Variants in GULP1 observed in about 807,000 individuals in gnomAD.
The protein encoded by GULP1 is PTB domain-containing engulfment adapter protein 1.
A neutral mutation model predicts 40.9 loss-of-function variants in GULP1; 19 were observed. The ratio of observed to expected loss-of-function variants is 0.46; its 90% confidence interval spans 0.32 to 0.68. GULP1 has a LOEUF of 0.68. Among genes scored for constraint, GULP1 ranks in the 30% least tolerant of loss-of-function variants. The probability of loss-of-function intolerance (pLI) is 0.03; values close to 1 mark genes in which losing one functional copy is unlikely to be tolerated. For synonymous variants in GULP1, 119 were observed against 117.6 expected, an observed-to-expected ratio of 1.01 and a Z score of -0.08; for missense variants, 312 against 362.2, an observed-to-expected ratio of 0.86 and a Z score of 1.12.
chr2:188,317,413 G>A (rs2039265786), intron 1 of GULP1, among the ~76,000 whole-genome samples: 1 of 152,068 alleles, frequency 6.6e-6, no homozygotes, highest in East Asian at 1.9e-4. Context: ...GATGATCTGG[G>A]GAGTCTAAGA....
At chr2:188,349,697 T>C (rs2044183125) in intron 1 of GULP1, among the ~76,000 whole-genome samples, 1 of 152,178 alleles carries the variant, frequency 6.6e-6, no homozygotes, top group South Asian at 2.1e-4. Flanking sequence ...AAACAAAACT[T>C]TTATATTTTG....
At chr2:188,301,019 A>C (rs1256154311) in intron 1 of GULP1, among the ~76,000 whole-genome samples, 2 of 151,788 alleles carry the variant, frequency 1.3e-5, no homozygotes, top group African/African-American at 4.8e-5. Flanking sequence ...CTGTTTATTT[A>C]TTTATTTATT....
rs746481062 is a variant in GULP1, at chr2:188,549,983, A to T, written c.399+8665A>T. On this transcript the variant is annotated intron_variant, in intron 7 of 11. Transcript: ENST00000409830. ...GAGGATGTGCTTATAAAACAGCAAG[A>T]TGAAGGACTCTTGTCGTAATCAAAT... 1.4e-4 allele frequency among the ~76,000 whole-genome samples: 21 copies of T among 151,726 alleles called. 1 individual carries two copies. The highest frequency in any genetic ancestry group is 2.2e-4 in the Non-Finnish European group (15 of 67,688).
At chr2:188,591,713 A>T (rs1439058577) in intron 11 of GULP1, 4 of 151,684 alleles carry the variant, frequency 2.6e-5, no homozygotes, top group Non-Finnish European at 5.9e-5. Context: ...GCATAAATAT[A>T]TATTCATATT....
At chr2:188,355,494 C>T (rs1411804917) in intron 1 of GULP1, among the ~76,000 whole-genome samples, 1 of 151,796 alleles carries the variant, frequency 6.6e-6, no homozygotes, top group Non-Finnish European at 1.5e-5. Flanking sequence ...AAATAGAAAA[C>T]TTCAGCAGAC....
intron 1 of GULP1, among the ~76,000 whole-genome samples, chr2:188,317,326 A>G (rs569242159): frequency 6.6e-6 from 1 of 152,302 alleles, no homozygotes; most frequent in East Asian, 1.9e-4. Context: ...CCTGAATGAA[A>G]TAGGAAACAT....
At chr2:188,419,955 A>C (rs1324404588) in intron 2 of GULP1, among the ~76,000 whole-genome samples, 1 of 152,066 alleles carries the variant, frequency 6.6e-6, no homozygotes, top group African/African-American at 2.4e-5. Context: ...TGTTGAAGAG[A>C]GTATCCTTTC....
At chr2:188,427,502 T>C (rs1451612533) in intron 2 of GULP1, among the ~76,000 whole-genome samples, 4 of 152,348 alleles carry the variant, frequency 2.6e-5, no homozygotes, top group South Asian at 4.1e-4. Flanking sequence ...CTTGCTGCCC[T>C]GCACAGACTT....
Position 188,541,334 on chromosome 2 carries a change from G to T in GULP1, c.399+16G>T, listed in dbSNP as rs746146544. Reference sequence around the variant, plus strand: ...CGAAAAGTGTGTAAGTATCCCAGATGTTGTAGGGTGGTTTGTTCTGTTTTA... The same window carrying T: ...CGAAAAGTGTGTAAGTATCCCAGATTTTGTAGGGTGGTTTGTTCTGTTTTA... On this transcript the variant is annotated intron_variant, in intron 7 of 11. Coordinates refer to ENST00000409830, the MANE Select transcript of GULP1 (RefSeq NM_016315.4). 1.2e-6 allele frequency: 2 copies of T among 1,609,436 alleles called. No homozygotes were observed. Among genetic ancestry groups the T allele is most frequent in the African/African-American group, 1.3e-5 (1 of 74,962 alleles).
intron 1 of GULP1, among the ~76,000 whole-genome samples, chr2:188,300,840 G>GTAA (rs2036000041): frequency 2.0e-5 from 3 of 152,092 alleles, no homozygotes; most frequent in African/African-American, 7.2e-5. Flanking sequence ...TGGGTCTAAG[G>GTAA]TAATAGTTTT....
At chr2:188,466,976 G>GA (rs369975555) in intron 2 of GULP1, among the ~76,000 whole-genome samples, 14 of 147,990 alleles carry the variant, frequency 9.5e-5, no homozygotes, top group Admixed American at 2.0e-4. Context: ...CAGTTAAGAA[G>GA]AAAAAAAAAA....
At chr2:188,574,999 AGTCAC>A (rs1699880962) in intron 9 of GULP1, among the ~76,000 whole-genome samples, 1 of 152,198 alleles carries the variant, frequency 6.6e-6, no homozygotes, top group Non-Finnish European at 1.5e-5. Flanking sequence ...AAAGTTTGTC[AGTCAC>A]TTATATGTTA....
chr2:188,517,816 C>G (rs1434786743), intron 4 of GULP1, among the ~76,000 whole-genome samples: 1 of 152,056 alleles, frequency 6.6e-6, no homozygotes, highest in Admixed American at 6.6e-5. Context: ...TCTAGGGGAA[C>G]TTTCAATCCT....
At chr2:188,344,786 T>C (rs1025582827) in intron 1 of GULP1, among the ~76,000 whole-genome samples, 1 of 152,318 alleles carries the variant, frequency 6.6e-6, no homozygotes, top group Non-Finnish European at 1.5e-5. Flanking sequence ...TTGGATTTTT[T>C]AAAACTGTAC....
intron 4 of GULP1, among the ~76,000 whole-genome samples, chr2:188,520,035 C>T (rs192100184): frequency 6.6e-6 from 1 of 152,312 alleles, no homozygotes; most frequent in East Asian, 1.9e-4. Context: ...AATGTGACAG[C>T]TCCATTGGTG....
At chr2:188,507,193 C>T (rs191352440) in intron 4 of GULP1, among the ~76,000 whole-genome samples, 13 of 151,966 alleles carry the variant, frequency 8.6e-5, no homozygotes, top group Admixed American at 3.3e-4. Context: ...CCCCAAACTA[C>T]CTGCTTTATA....
intron 3 of GULP1, among the ~76,000 whole-genome samples, chr2:188,479,589 T>C (rs890913533): frequency 6.6e-6 from 1 of 152,128 alleles, no homozygotes; most frequent in African/African-American, 2.4e-5. Context: ...GAAGTATGTT[T>C]AATAAAGTAA....
rs1335201171 is a variant in GULP1, at chr2:188,522,838, G to A, written c.162+11G>A. ...GTAAGGAAACTAAAGGTAGGGAAAGGCCTTCAAATAAATTACAAGTGTATT... is the reference window on the plus strand; with the variant it reads ...GTAAGGAAACTAAAGGTAGGGAAAGACCTTCAAATAAATTACAAGTGTATT... On this transcript the variant is annotated intron_variant, in intron 5 of 11. Coordinates refer to ENST00000409830, the MANE Select transcript of GULP1 (RefSeq NM_016315.4). 1 of 1,552,022 alleles carries A rather than the reference G, an allele frequency of 6.4e-7. No individual in the cohort carries two copies. The highest frequency in any genetic ancestry group is 8.9e-7 in the Non-Finnish European group (1 of 1,124,272).
chr2:188,456,819 G>A (rs2152942780), intron 2 of GULP1, among the ~76,000 whole-genome samples: 1 of 152,296 alleles, frequency 6.6e-6, no homozygotes, highest in South Asian at 2.1e-4. Context: ...GAAAGCAGAT[G>A]GGAGGGAGGC....
Sources: gnomAD v4.1 joint callset for allele counts (sites outside exome capture counted in the v4.1 genomes callset) on GRCh38, gnomAD v4.1.1 for gene constraint, MANE v1.5 for transcripts, NCBI Gene and HGNC (gene_info 2026-07-23, HGNC 2026-07-21) for gene names.